AAMDC: variants seen among roughly 807,000 people sequenced by gnomAD.
AAMDC encodes the protein adipogenesis associated Mth938 domain containing, also known as mth938 domain-containing protein.
A neutral mutation model predicts 15.5 loss-of-function variants in AAMDC; 16 were observed. The observed-to-expected ratio is 1.03, with a 90% CI of 0.70 to 1.57. AAMDC has a LOEUF of 1.57. Among genes scored for constraint, AAMDC ranks in the 40% most tolerant of loss-of-function variants. The pLI, the probability that AAMDC is intolerant of heterozygous loss-of-function variation, is 0.00. For missense variants in AAMDC, 141 were observed against 144.9 expected (o/e 0.97, Z 0.14); for synonymous variants, 51 against 51.6 (o/e 0.99, Z 0.05).
At position 77,868,674 on chromosome 11, in the gene AAMDC, T is replaced by TTTG. The variant is rs575076133; in HGVS notation, c.133-1024_133-1022dup. 477 of 170,382 alleles carry TTTG rather than the reference T, an allele frequency of 2.8e-3. 3 individuals are homozygous for TTTG. The highest frequency in any genetic ancestry group is 0.01 in the African/African-American group (413 of 40,776). The allele number at this position is 170,382 out of a possible 1,614,324, so 10.6% of individuals were successfully genotyped here. A position where few individuals can be genotyped will look rare whatever the true frequency, so the allele number is the denominator to read the frequency against. On this transcript the variant is annotated intron_variant, in intron 2 of 3. Transcript: ENST00000393427. Reference sequence around the variant, plus strand: ...TTTTTTAATGTACAGTCCAGAGGTTTTTGTTGTTGTTGTTGTTGTTGTTGT... The same window carrying TTTG: ...TTTTTTAATGTACAGTCCAGAGGTTTTTGTTGTTGTTGTTGTTGTTGTTGTTGT...
rs1249918438 is a variant in AAMDC, at chr11:77,872,211, G to C, written c.265G>C (p.Gly89Arg). The C allele has an allele frequency of 2.5e-6, 4 of 1,613,664 alleles. No individual in the cohort carries two copies. In the Admixed American group the frequency reaches 6.7e-5, roughly 27 times the overall value. ...SSTVEYLKKH[G>R]IDVRVLQTEQ... ...AACTGTGGAGTACCTCAAGAAACAT[G>C]GCATTGATGTGCGGGTCCTCCAGAC... The change falls in exon 4 of 4, where the codon GGC becomes CGC. Residue 89 changes from glycine to arginine, a missense_variant. Gly to Arg is a moderately radical substitution (Grantham distance 125). Transcript: ENST00000393427.
chr11:77,833,919 T>C (rs575351388), intron 1 of AAMDC, among the ~76,000 whole-genome samples: 6 of 152,342 alleles, frequency 3.9e-5, no homozygotes, highest in African/African-American at 1.4e-4. Context: ...CAAAGAGTTA[T>C]ACATGTTAGA....
chr11:77,824,167 C>G (rs1424011411), intron 1 of AAMDC, among the ~76,000 whole-genome samples: 1 of 152,184 alleles, frequency 6.6e-6, no homozygotes, highest in Non-Finnish European at 1.5e-5. Flanking sequence ...ACCCATAATG[C>G]TATCATCACT....
At chr11:77,861,486 G>T (rs1017580141) in intron 2 of AAMDC, among the ~76,000 whole-genome samples, 4 of 152,316 alleles carry the variant, frequency 2.6e-5, no homozygotes, top group Admixed American at 2.6e-4. Context: ...CCGGGGCTCT[G>T]TGAGGGTGAT....
chr11:77,884,792 C>A (rs1314854511), intron 5 of AAMDC: 3 of 405,760 alleles, frequency 7.4e-6, no homozygotes, highest in African/African-American at 2.0e-5. Flanking sequence ...TCTTACTCTG[C>A]CACCCAGGCT....
At chr11:77,900,835 T>C (rs1952756847), downstream of AAMDC, 1 of 566,870 alleles carries the variant, frequency 1.8e-6, no homozygotes, top group African/African-American at 1.9e-5. Flanking sequence ...GAGCTCTTAT[T>C]ACGTATCAAG....
intron 1 of AAMDC, among the ~76,000 whole-genome samples, chr11:77,835,637 G>A (rs1949649230): frequency 6.6e-6 from 1 of 152,158 alleles, no homozygotes; most frequent in African/African-American, 2.4e-5. Flanking sequence ...CTAAAGTTGG[G>A]GCCAGGCGTG....
chr11:77,863,259 G>A (rs566502608), intron 2 of AAMDC, among the ~76,000 whole-genome samples: 6 of 152,222 alleles, frequency 3.9e-5, no homozygotes, highest in Non-Finnish European at 7.4e-5. Flanking sequence ...TAGCCCAATC[G>A]GGAGCGGCAA....
Position 77,821,197 on chromosome 11 carries a change from C to A in AAMDC, c.-63C>A. ...GCTGGGAGCGTAAGTGCGGGCAGAG[C>A]ACTGCGCCGTTTGGGAACGCAACTT... On this transcript the variant is annotated 5_prime_UTR_variant, in exon 1 of 4. Transcript: ENST00000393427. The A allele has an allele frequency of 3.0e-6, 1 of 328,534 alleles. No individual in the cohort carries two copies. Among genetic ancestry groups the A allele is most frequent in the South Asian group, 1.2e-4 (1 of 8,572 alleles). 20.4% of individuals were successfully genotyped at this position (328,534 alleles called of 1,614,324 possible). A position where few individuals can be genotyped will look rare whatever the true frequency, so the allele number is the denominator to read the frequency against.
intron 1 of AAMDC, among the ~76,000 whole-genome samples, chr11:77,836,383 G>T (rs1319379942): frequency 6.6e-6 from 1 of 152,034 alleles, no homozygotes; most frequent in East Asian, 1.9e-4. Context: ...AAGAGAAAGA[G>T]ATAGCAGGTG....
chr11:77,901,200 G>A (rs1044481468), downstream of AAMDC, among the ~76,000 whole-genome samples: 2 of 152,056 alleles, frequency 1.3e-5, no homozygotes, highest in African/African-American at 2.4e-5. Flanking sequence ...GTCACCAGAG[G>A]GTTTTTAGCA....
intron 2 of AAMDC, among the ~76,000 whole-genome samples, chr11:77,865,173 T>G (rs1202003607): frequency 6.6e-6 from 1 of 152,210 alleles, no homozygotes; most frequent in African/African-American, 2.4e-5. Flanking sequence ...TTTGCCTAAC[T>G]AGTCATGGTT....
intron 2 of AAMDC, among the ~76,000 whole-genome samples, chr11:77,867,092 T>C (rs928428630): frequency 6.6e-6 from 1 of 152,132 alleles, no homozygotes; most frequent in African/African-American, 2.4e-5. Flanking sequence ...CCTCCCTCCT[T>C]GGCCTCCCAA....
At chr11:77,892,063 C>CT (rs1421152525) in intron 5 of AAMDC, among the ~76,000 whole-genome samples, 1 of 152,184 alleles carries the variant, frequency 6.6e-6, no homozygotes, top group Non-Finnish European at 1.5e-5. Context: ...CAGGCATACT[C>CT]TTAAGTGTTT....
downstream of AAMDC, among the ~76,000 whole-genome samples, chr11:77,876,242 C>A (rs115705302): frequency 4.4e-3 from 674 of 152,212 alleles, 7 homozygotes; most frequent in African/African-American, 0.016. Flanking sequence ...TAAGAACAGA[C>A]CCCTGTGATG....
At chr11:77,883,228 A>G (rs1272569168) in intron 5 of AAMDC, among the ~76,000 whole-genome samples, 1 of 152,076 alleles carries the variant, frequency 6.6e-6, no homozygotes, top group African/African-American at 2.4e-5. Flanking sequence ...ACCATCTCCA[A>G]TTATTTGGGA....
rs575764462 is a variant in AAMDC, at chr11:77,889,139, G to A, written c.329-11432G>A. Among the ~76,000 whole-genome samples the A allele has an allele frequency of 3.0e-4, 46 of 152,148 alleles. 1 individual carries two copies. The highest frequency in any genetic ancestry group is 8.2e-4 in the African/African-American group (34 of 41,526). The stretch of plus-strand genomic sequence containing the variant: ...ACACATGCACACATATGTTTATTGC[G>A]GCACCACTCACAATAGCAAAGACTT... On this transcript the variant is annotated intron_variant, in intron 5 of 5. Coordinates refer to the AAMDC transcript ENST00000304716.
intron 2 of AAMDC, chr11:77,868,781 G>A (rs1162012947): frequency 1.3e-5 from 3 of 239,628 alleles, no homozygotes; most frequent in Admixed American, 4.2e-5. Context: ...CTTACACAGT[G>A]TGCTTCTCTG....
At chr11:77,854,542 A>G (rs1950532572) in intron 2 of AAMDC, among the ~76,000 whole-genome samples, 1 of 152,146 alleles carries the variant, frequency 6.6e-6, no homozygotes, top group Non-Finnish European at 1.5e-5. Context: ...AAAACTTAAA[A>G]CTCCAAAATA....
Sources: allele counts gnomAD v4.1 joint callset (sites outside exome capture counted in the v4.1 genomes callset), GRCh38; gene constraint gnomAD v4.1.1; transcripts MANE v1.5; gene names NCBI Gene and HGNC (gene_info 2026-07-23, HGNC 2026-07-21).